The following ELK1 variants were observed in gnomAD, a reference collection of about 807,000 sequenced individuals.
The protein encoded by ELK1 is ETS domain-containing protein Elk-1.
For missense variants in ELK1, 254 were observed against 381.5 expected, an observed-to-expected ratio of 0.67 and a Z score of 2.78; for synonymous variants, 163 against 176.3, an observed-to-expected ratio of 0.92 and a Z score of 0.60.
intron 2 of ELK1, among the ~76,000 whole-genome samples, chrX:47,647,451 C>T (rs2058047317): frequency 1.8e-5 from 2 of 111,541 alleles, no homozygotes; most frequent in Non-Finnish European, 3.8e-5. Flanking sequence ...TGTTAGCCAC[C>T]GTGCCCAGCC....
chrX:47,642,466 G>A (rs1314663397), intron 2 of ELK1, among the ~76,000 whole-genome samples: 1 of 109,969 alleles, frequency 9.1e-6, no homozygotes, highest in African/African-American at 3.3e-5. Flanking sequence ...TCCTTCTTTC[G>A]CCTAGCAGTC....
rs747137558 is a variant in ELK1, at chrX:47,639,328, C to T, written c.221G>A (p.Arg74His). ...LRYYYDKNII[R>H]KVSGQKFVYK... ...GACGAACTTCTGGCCGCTCACCTTGCGGATGATGTTCTAGGAAGGGAGGAG... is the reference window on the plus strand; with the variant it reads ...GACGAACTTCTGGCCGCTCACCTTGTGGATGATGTTCTAGGAAGGGAGGAG... Residue 74 changes from arginine (R) to histidine (H), a missense_variant, in exon 4 of 7, where the codon CGC becomes CAC. Transcript: ENST00000376983. The T allele has an allele frequency of 5.0e-6, 6 of 1,199,393 alleles. No individual in the cohort carries two copies. Among genetic ancestry groups the T allele is most frequent in the Non-Finnish European group, 5.6e-6 (5 of 890,479 alleles).
At position 47,650,527 on chromosome X, in the gene ELK1, T is replaced by TGGAGGTGGTGGTGGCGGTGGCGGC. The variant is rs2058059019; in HGVS notation, c.-269_-246dup. The TGGAGGTGGTGGTGGCGGTGGCGGC allele has an allele frequency of 3.1e-6, 1 of 319,273 alleles. No homozygotes were observed. The highest frequency in any genetic ancestry group is 5.9e-6 in the Non-Finnish European group (1 of 169,678). The allele number at this position is 319,273 out of a possible 1,213,427, so 26.3% of individuals were successfully genotyped here. On this transcript the variant is annotated 5_prime_UTR_variant, in exon 1 of 7. Transcript: ENST00000376983. ...CCAGGCCTGGGTTCCGAGGCGGCGG[T>TGGAGGTGGTGGTGGCGGTGGCGGC]GGAGGTGGTGGTGGCGGTGGCGGCG...
intron 3 of ELK1, 61 bp from the exon 4 acceptor site, chrX:47,639,399 G>A: frequency 1.0e-6 from 1 of 959,651 alleles, no homozygotes; most frequent in Admixed American, 2.6e-5. Context: ...GAGGCAGGGT[G>A]TCAGGGGGGA....
chrX:47,649,837 G>C (rs2239863), intron 2 of ELK1, 84 bp downstream of exon 2: 1 of 99,092 alleles, frequency 1.0e-5, no homozygotes, highest in Admixed American at 1.1e-4. Context: ...TGGTGGTGGG[G>C]GGGGGGGGTG....
At chrX:47,645,424 G>A (rs983317187) in intron 2 of ELK1, among the ~76,000 whole-genome samples, 6 of 111,935 alleles carry the variant, frequency 5.4e-5, no homozygotes, top group African/African-American at 1.6e-4. Context: ...GCTGGAAGTT[G>A]GCAGAGCCGG....
At chrX:47,642,585 G>A (rs1006773647) in intron 2 of ELK1, among the ~76,000 whole-genome samples, 10 of 107,442 alleles carry the variant, frequency 9.3e-5, no homozygotes, top group Non-Finnish European at 1.9e-4. Flanking sequence ...GAATGTTCTC[G>A]TTCTTTTTTT....
intron 2 of ELK1, among the ~76,000 whole-genome samples, chrX:47,646,686 G>T (rs2058044500): frequency 1.8e-5 from 2 of 112,303 alleles, no homozygotes; most frequent in Admixed American, 9.4e-5. Flanking sequence ...CATCCTTTGG[G>T]GGTTGGTATT....
chrX:47,641,457 CACGCCA>C lies in ELK1; in HGVS notation c.-22_-17del, dbSNP rs1264827281. ...ATGGGTCCATCGCTGGGGGAGTGCT[CACGCCA>C]TCCCAGGGGTACCTGGAGAGCAAAC... On this transcript the variant is annotated 5_prime_UTR_variant, in exon 3 of 7. The change abolishes an upstream ATG in the 5' untranslated region. Coordinates refer to ENST00000376983, the MANE Select transcript of ELK1 (RefSeq NM_001114123.3). 1 of 1,197,044 alleles carries C rather than the reference CACGCCA, an allele frequency of 8.4e-7. No homozygotes were observed. The highest frequency in any genetic ancestry group is 3.0e-5 in the East Asian group (1 of 33,168).
At chrX:47,646,420 CCAGCTATA>C (rs1218007738) in intron 2 of ELK1, among the ~76,000 whole-genome samples, 1 of 111,147 alleles carries the variant, frequency 9.0e-6, no homozygotes, top group East Asian at 2.8e-4. Context: ...GCCTCTGTGC[CCAGCTATA>C]CACCACAGTT....
At chrX:47,643,585 T>G (rs746616441) in intron 2 of ELK1, among the ~76,000 whole-genome samples, 1 of 112,068 alleles carries the variant, frequency 8.9e-6, no homozygotes, top group African/African-American at 3.2e-5. Flanking sequence ...CAGAGCTTAC[T>G]AAGGGGTGTT....
chrX:47,639,744 T>C (rs752047081), intron 3 of ELK1, among the ~76,000 whole-genome samples: 18 of 112,845 alleles, frequency 1.6e-4, no homozygotes, highest in African/African-American at 4.8e-4. Context: ...TGAAGGGCAG[T>C]AGGTGTGGGA....
intron 2 of ELK1, among the ~76,000 whole-genome samples, chrX:47,643,660 CATCTG>C (rs1158978855): frequency 3.6e-5 from 4 of 110,838 alleles, no homozygotes; most frequent in Non-Finnish European, 5.7e-5. Context: ...TTCTGAAACA[CATCTG>C]GCCCCAGGGG....
chrX:47,641,157 T>A, intron 3 of ELK1, 75 bp downstream of exon 3: 2 of 1,100,700 alleles, frequency 1.8e-6, no homozygotes, highest in Non-Finnish European at 2.5e-6. Flanking sequence ...GTCATAGCTA[T>A]GGCAATTAAA....
rs1337835256 is a variant in ELK1, at chrX:47,644,696, GGA to G, written c.-34-3223_-34-3222del. 2.7e-5 allele frequency among the ~76,000 whole-genome samples: 3 copies of G among 110,857 alleles called. No homozygotes were observed. In the East Asian group the frequency reaches 8.5e-4, roughly 32 times the overall value. On this transcript the variant is annotated intron_variant, in intron 2 of 6. Coordinates refer to ENST00000376983, the MANE Select transcript of ELK1 (RefSeq NM_001114123.3). Reference sequence around the variant, plus strand: ...CAGCCGGTGTGAAGGGCCCAAGGCTGGAGAGTGCCTGGCAGGTGACATGGGGA... The same window carrying G: ...CAGCCGGTGTGAAGGGCCCAAGGCTGGAGTGCCTGGCAGGTGACATGGGGA...
At chrX:47,645,857 G>T (rs2058041969) in intron 2 of ELK1, among the ~76,000 whole-genome samples, 1 of 111,827 alleles carries the variant, frequency 8.9e-6, no homozygotes, top group African/African-American at 3.3e-5. Context: ...CAAATAACCT[G>T]CCTGCCCTTG....
At chrX:47,647,108 A>G (rs971376699) in intron 2 of ELK1, among the ~76,000 whole-genome samples, 1 of 107,155 alleles carries the variant, frequency 9.3e-6, no homozygotes, top group African/African-American at 3.4e-5. Flanking sequence ...TTTGTCTATT[A>G]TGCTAATTTT....
At position 47,641,443 on chromosome X, in the gene ELK1, G is replaced by A. The variant is rs778803506; in HGVS notation, c.-2C>T. 1.1e-4 allele frequency: 132 copies of A among 1,204,887 alleles called. No homozygotes were observed. In the Admixed American group the frequency reaches 2.7e-3, roughly 25 times the overall value. On this transcript the variant is annotated 5_prime_UTR_variant, in exon 3 of 7. Coordinates refer to ENST00000376983, the MANE Select transcript of ELK1 (RefSeq NM_001114123.3). ...CCACAGCGTCACAGATGGGTCCATC[G>A]CTGGGGGAGTGCTCACGCCATCCCA... is the stretch of plus-strand genomic sequence containing the variant.
Position 47,636,871 on chromosome X carries a change from G to A in ELK1, c.1245C>T (p.Leu415=). ...VHIPSISVDG[L]STPVVLSPGP... Reference sequence around the variant, plus strand: ...CTGGGGAGAGCACCACGGGGGTCGAGAGGCCATCCACGCTGATAGAAGGGA... The same window carrying A: ...CTGGGGAGAGCACCACGGGGGTCGAAAGGCCATCCACGCTGATAGAAGGGA... The change falls in exon 7 of 7, where the codon CTC becomes CTT. Residue 415 remains leucine, a synonymous_variant. Transcript: ENST00000376983. The A allele has an allele frequency of 8.6e-7, 1 of 1,166,185 alleles. No individual in the cohort carries two copies. The highest frequency in any genetic ancestry group is 1.1e-6 in the Non-Finnish European group (1 of 871,275).
Sources: allele counts gnomAD v4.1 joint callset (sites outside exome capture counted in the v4.1 genomes callset), GRCh38; gene constraint gnomAD v4.1.1; transcripts MANE v1.5; gene names NCBI Gene and HGNC (gene_info 2026-07-23, HGNC 2026-07-21).